CD46: variants seen among roughly 807,000 people sequenced by gnomAD.
CD46 encodes the protein CD46 molecule, also known as membrane cofactor protein.
A neutral mutation model predicts 53.3 loss-of-function variants in CD46; 30 were observed. That is an observed-to-expected ratio of 0.56 (90% CI 0.42 to 0.76). CD46 has a LOEUF of 0.76. CD46 is among the 30% of genes least tolerant of loss of function. The pLI is 0.00. For missense variants in CD46, 409 were observed against 463.0 expected, an observed-to-expected ratio of 0.88 and a Z score of 1.07; for synonymous variants, 142 against 152.0, an observed-to-expected ratio of 0.93 and a Z score of 0.48.
intron 8 of CD46, among the ~76,000 whole-genome samples, chr1:207,772,562 G>C (rs1389101222): frequency 6.6e-6 from 1 of 152,166 alleles, no homozygotes; most frequent in Non-Finnish European, 1.5e-5. Flanking sequence ...TTATTATTTT[G>C]AGATATATTC....
At chr1:207,761,940 A>C (rs1425791017) in intron 5 of CD46, among the ~76,000 whole-genome samples, 1 of 152,210 alleles carries the variant, frequency 6.6e-6, no homozygotes, top group Non-Finnish European at 1.5e-5. Flanking sequence ...TGCCCATTTA[A>C]AGAAAGAAAT....
chr1:207,752,409 T>G lies in CD46; in HGVS notation c.97+100T>G, dbSNP rs2102513299. On this transcript the variant is annotated intron_variant, in intron 1 of 12. Coordinates refer to ENST00000367042, the MANE Select transcript of CD46 (RefSeq NM_172351.3). This position sits in a 1 kb window ranked among gnomAD's most constrained non-coding sequence, Gnocchi z 4.1. Reference sequence around the variant, plus strand: ...GGGGCTCACAGCAGGCCGTGCCTGTTTGGGGACAGGGTTCTCTGAGGGGTG... The same window carrying G: ...GGGGCTCACAGCAGGCCGTGCCTGTGTGGGGACAGGGTTCTCTGAGGGGTG... 3 of 1,142,554 alleles carry G rather than the reference T, an allele frequency of 2.6e-6. No homozygotes were observed. In the South Asian group the frequency reaches 3.7e-5, roughly 14 times the overall value. The allele number at this position is 1,142,554 out of a possible 1,614,324, so 70.8% of individuals were successfully genotyped here.
chr1:207,761,264 C>A lies in CD46; in HGVS notation c.491C>A (p.Pro164Gln), dbSNP rs746757476. The change falls in exon 5 of 13, where the codon CCA (proline) becomes CAA (glutamine). Residue 164 changes from proline to glutamine, a missense_variant. Pro to Gln is a moderately conservative substitution (Grantham distance 76). Coordinates refer to ENST00000367042, the MANE Select transcript of CD46 (RefSeq NM_172351.3). ...PPICEKVLCT[P>Q]PPKIKNGKHT... ...CATTTTTAAGAGGTTTTGTGTACAC[C>A]ACCTCCAAAAATAAAAAATGGAAAA... The A allele has an allele frequency of 1.5e-5, 24 of 1,606,916 alleles. No individual in the cohort carries two copies. The highest frequency in any genetic ancestry group is 2.0e-5 in the Non-Finnish European group (23 of 1,173,982).
At chr1:207,780,365 A>G (rs1658614465) in intron 8 of CD46, among the ~76,000 whole-genome samples, 1 of 152,174 alleles carries the variant, frequency 6.6e-6, no homozygotes, top group Non-Finnish European at 1.5e-5. Flanking sequence ...ATCTTGTGAC[A>G]TGAATCAGAA....
intron 8 of CD46, among the ~76,000 whole-genome samples, chr1:207,780,017 T>A (rs139360883): frequency 6.0e-5 from 9 of 150,924 alleles, no homozygotes; most frequent in African/African-American, 1.5e-4. Flanking sequence ...TTTTTCCAAA[T>A]AAACTTTTTA....
chr1:207,757,246 T>C, intron 2 of CD46, 44 bp downstream of exon 2: 1 of 1,505,558 alleles, frequency 6.6e-7, no homozygotes, highest in Admixed American at 1.7e-5. Flanking sequence ...GCTCTAGAGA[T>C]TTGCATACAT....
intron 8 of CD46, among the ~76,000 whole-genome samples, chr1:207,771,290 A>G (rs529383623): frequency 6.6e-6 from 1 of 152,160 alleles, no homozygotes; most frequent in Non-Finnish European, 1.5e-5. Context: ...TAGATTCTGG[A>G]TATTAGCCCT....
rs1167464505 is a variant in CD46 at position 207,767,081 on chromosome 1, T to C, written c.742T>C (p.Tyr248His). The change falls in exon 6 of 13, where the codon TAC becomes CAC. Residue 248 changes from tyrosine to histidine, a missense_variant. Coordinates refer to ENST00000367042, the MANE Select transcript of CD46 (RefSeq NM_172351.3). The part of the protein sequence containing the change: ...QISGFGKKFY[Y>H]KATVMFECDK... ...ATCAGGATTTGGAAAAAAATTTTACTACAAAGCAACAGTTATGTTTGAATG... is the reference window on the plus strand; with the variant it reads ...ATCAGGATTTGGAAAAAAATTTTACCACAAAGCAACAGTTATGTTTGAATG... The C allele has an allele frequency of 1.2e-6, 2 of 1,613,672 alleles. No individual in the cohort carries two copies. The highest frequency in any genetic ancestry group is 2.2e-5 in the East Asian group (1 of 44,862).
chr1:207,759,504 A>G (rs755706130), intron 3 of CD46, 135 bp from the exon 4 acceptor site: 41 of 623,610 alleles, frequency 6.6e-5, no homozygotes, highest in Non-Finnish European at 1.1e-4. Flanking sequence ...CTTTCGTTAT[A>G]TAGTATGTTG....
chr1:207,762,019 A>G (rs1656274139), intron 5 of CD46, among the ~76,000 whole-genome samples: 1 of 152,242 alleles, frequency 6.6e-6, no homozygotes, highest in South Asian at 2.1e-4. Context: ...AAAGTAGACC[A>G]TATTCTAGAC....
chr1:207,752,379 G>C lies in CD46; in HGVS notation c.97+70G>C, dbSNP rs1655020168. On this transcript the variant is annotated intron_variant, in intron 1 of 12. Transcript: ENST00000367042. The surrounding 1 kb of genome is among the most constrained non-coding windows in gnomAD (Gnocchi z 4.1). The stretch of plus-strand genomic sequence containing the variant: ...CTCTCCTCAGTCGGGCAAGAGTCGC[G>C]GGGCGGGGCTCACAGCAGGCCGTGC... 1 of 1,431,674 alleles carries C rather than the reference G, an allele frequency of 7.0e-7. No homozygotes were observed. Among genetic ancestry groups the C allele is most frequent in the Admixed American group, 1.7e-5 (1 of 59,752 alleles). 88.7% of individuals were successfully genotyped at this position (1,431,674 alleles called of 1,614,324 possible). A position where few individuals can be genotyped will look rare whatever the true frequency, so the allele number is the denominator to read the frequency against.
At chr1:207,767,343 A>C in intron 6 of CD46, 148 bp downstream of exon 6, 2 of 786,692 alleles carry the variant, frequency 2.5e-6, no homozygotes, top group African/African-American at 1.7e-5. Flanking sequence ...ATTCATTTCT[A>C]TGCCAGATGA....
In CD46 at chr1:207,793,551, A is replaced by C. The variant is rs777456614; in HGVS notation, c.*74A>C. The C allele has an allele frequency of 9.3e-6, 15 of 1,614,042 alleles. No individual in the cohort carries two copies. Among genetic ancestry groups the C allele is most frequent in the Non-Finnish European group, 1.3e-5 (15 of 1,179,914 alleles). On this transcript the variant is annotated 3_prime_UTR_variant, in exon 13 of 13. Transcript: ENST00000367042. ...GATGGTGGAGCTGAATATGCCACTT[A>C]CCAGACTAAATCAACCACTCCAGCA...
chr1:207,786,524 T>C (rs1332540635), intron 11 of CD46, among the ~76,000 whole-genome samples: 1 of 152,224 alleles, frequency 6.6e-6, no homozygotes, highest in Admixed American at 6.5e-5. Flanking sequence ...TTAGGTGCTT[T>C]GAAATTTCTG....
intron 7 of CD46, chr1:207,768,964 GA>G (rs1657154211): frequency 6.6e-6 from 1 of 152,092 alleles, no homozygotes; most frequent in Non-Finnish European, 1.5e-5. Context: ...TAGTAATTAA[GA>G]TACCTTCTTA....
chr1:207,780,507 T>C (rs1658627386), intron 8 of CD46, among the ~76,000 whole-genome samples: 1 of 152,204 alleles, frequency 6.6e-6, no homozygotes, highest in Non-Finnish European at 1.5e-5. Flanking sequence ...AATGCTGTTA[T>C]AAACATAGGT....
At chr1:207,783,218 A>T in intron 8 of CD46, 74 bp from the exon 9 acceptor site, 1 of 829,090 alleles carries the variant, frequency 1.2e-6, no homozygotes, top group Non-Finnish European at 2.0e-6. Flanking sequence ...CTATGAGTTT[A>T]AAGGATTTTA....
intron 8 of CD46, among the ~76,000 whole-genome samples, chr1:207,777,960 GA>G (rs1481826765): frequency 6.6e-6 from 1 of 151,952 alleles, no homozygotes; most frequent in Non-Finnish European, 1.5e-5. Context: ...ATTATTTTTT[GA>G]CTTTTTAATA....
At chr1:207,755,311 G>A (rs78292696) in intron 1 of CD46, among the ~76,000 whole-genome samples, 2 of 152,142 alleles carry the variant, frequency 1.3e-5, no homozygotes, top group Non-Finnish European at 2.9e-5. Context: ...GGTTCATAAG[G>A]GTAAATCAAG....
Sources: gnomAD v4.1 joint callset for allele counts (sites outside exome capture counted in the v4.1 genomes callset) on GRCh38, gnomAD v4.1.1 for gene constraint, Gnocchi (gnomAD v3.1) non-coding constraint, MANE v1.5 for transcripts, NCBI Gene and HGNC (gene_info 2026-07-23, HGNC 2026-07-21) for gene names.